The following MTDH variants were observed in gnomAD, a reference collection of about 807,000 sequenced individuals.
The protein encoded by MTDH is metadherin.
In MTDH, 34 loss-of-function variants were observed where a neutral mutation model predicts 72.7. The observed-to-expected ratio is 0.47, with a 90% confidence interval of 0.36 to 0.62. The LOEUF (loss-of-function observed/expected upper bound fraction) is 0.62. MTDH is among the 20% of genes least tolerant of loss of function. MTDH has a pLI of 0.00. For missense variants in MTDH, 677 were observed against 699.4 expected, an observed-to-expected ratio of 0.97 and a Z score of 0.36; for synonymous variants, 266 against 268.9, an observed-to-expected ratio of 0.99 and a Z score of 0.10.
At chr8:97,650,834 A>C (rs1811745400) in intron 1 of MTDH, among the ~76,000 whole-genome samples, 1 of 151,988 alleles carries the variant, frequency 6.6e-6, no homozygotes. Flanking sequence ...GGCTCAAGCG[A>C]TCCTCCCACC....
intron 1 of MTDH, among the ~76,000 whole-genome samples, chr8:97,656,727 C>T (rs555588272): frequency 2.0e-5 from 3 of 151,576 alleles, no homozygotes; most frequent in Non-Finnish European, 2.9e-5. Flanking sequence ...AGGCCAGGTG[C>T]GGTGGCTCAC....
rs1813891181 is a variant in MTDH, at chr8:97,697,152, T to TA, written c.1049-2602_1049-2601insA. The stretch of plus-strand genomic sequence containing the variant: ...AAAATATATATATATATATATATAT[T>TA]TTTTTTTTGTGGACCCAGTTTACTA... On this transcript the variant is annotated intron_variant, in intron 6 of 11. Transcript: ENST00000336273. 7.4e-5 allele frequency among the ~76,000 whole-genome samples: 8 copies of TA among 108,584 alleles called. 1 individual carries two copies. The South Asian group carries it at 2.3e-3, about 31-fold the overall frequency. 71.2% of individuals were successfully genotyped at this position (108,584 alleles called of 152,430 possible).
At chr8:97,648,994 A>G (rs1563517842) in intron 1 of MTDH, among the ~76,000 whole-genome samples, 2 of 152,258 alleles carry the variant, frequency 1.3e-5, no homozygotes, top group East Asian at 3.9e-4. Context: ...CTGCCTATAT[A>G]ATGACCCCAT....
chr8:97,686,247 T>G (rs535453488), intron 2 of MTDH, among the ~76,000 whole-genome samples: 26 of 152,354 alleles, frequency 1.7e-4, no homozygotes, highest in Admixed American at 1.2e-3. Flanking sequence ...ATTACAGTAC[T>G]GTATTTATGA....
At chr8:97,716,548 CG>C (rs1554582891) in intron 9 of MTDH, among the ~76,000 whole-genome samples, 1 of 151,814 alleles carries the variant, frequency 6.6e-6, no homozygotes, top group Non-Finnish European at 1.5e-5. Context: ...ATTAGCCGCA[CG>C]TGGTAGCTGG....
chr8:97,687,755 G>A, intron 4 of MTDH, 150 bp downstream of exon 4: 1 of 644,208 alleles, frequency 1.6e-6, no homozygotes, highest in Non-Finnish European at 2.4e-6. Context: ...TGTGAACCAT[G>A]TATCGGTTTA....
At chr8:97,668,343 T>A (rs1482108365) in intron 2 of MTDH, among the ~76,000 whole-genome samples, 3 of 151,988 alleles carry the variant, frequency 2.0e-5, no homozygotes, top group African/African-American at 7.3e-5. Context: ...CAAATAATTT[T>A]CCAGTGGACC....
chr8:97,707,393 G>A (rs943353388), intron 8 of MTDH, among the ~76,000 whole-genome samples: 3 of 149,188 alleles, frequency 2.0e-5, no homozygotes, highest in Admixed American at 6.7e-5. Flanking sequence ...CAGGTGATCC[G>A]CTCACCTCAG....
At chr8:97,701,436 A>G (rs1396224076) in intron 7 of MTDH, among the ~76,000 whole-genome samples, 1 of 152,214 alleles carries the variant, frequency 6.6e-6, no homozygotes, top group Non-Finnish European at 1.5e-5. Context: ...AAGTGTGTAC[A>G]TATTCAGTAC....
intron 8 of MTDH, 138 bp from the exon 9 acceptor site, chr8:97,713,524 A>G: frequency 1.9e-6 from 1 of 528,718 alleles, no homozygotes; most frequent in Non-Finnish European, 3.3e-6. Context: ...GATCCATTGT[A>G]TTACTTATTA....
chr8:97,719,029 T>A lies in MTDH; in HGVS notation c.1381-20T>A. ...AGAATGAATGCTTTATATAATCTAA[T>A]AGGTTATTTTTCTCTATAGGACACA... On this transcript the variant is annotated intron_variant, in intron 9 of 11. Transcript: ENST00000336273. The A allele has an allele frequency of 6.4e-7, 1 of 1,567,350 alleles. No individual in the cohort carries two copies. The highest frequency in any genetic ancestry group is 2.2e-5 in the East Asian group (1 of 44,606).
intron 10 of MTDH, 80 bp downstream of exon 10, chr8:97,719,269 CAGGTCATG>C (rs1227614913): frequency 1.4e-6 from 2 of 1,459,232 alleles, no homozygotes; most frequent in African/African-American, 1.4e-5. Flanking sequence ...CCAAGGTGGG[CAGGTCATG>C]AGGTCAGGAG....
Position 97,661,115 on chromosome 8 carries a change from G to A in MTDH, c.425G>A (p.Arg142Gln), listed in dbSNP as rs774102212. Reference protein sequence around the residue: ...TVEVAEGEAVRTPQSVTAKQP... With the variant: ...TVEVAEGEAVQTPQSVTAKQP... ...GAAGTGGCTGAGGGTGAAGCTGTTC[G>A]AACACCTCAAAGTGTAACAGCAAAG... The change falls in exon 2 of 12, where the codon CGA (arginine) becomes CAA (glutamine). Residue 142 changes from arginine to glutamine, a missense_variant. By Grantham distance (43) the Arg-to-Gln change is conservative. Transcript: ENST00000336273. The A allele has an allele frequency of 1.3e-5, 21 of 1,612,910 alleles. No individual in the cohort carries two copies. The East Asian group carries it at 1.3e-4, about 10-fold the overall frequency.
chr8:97,687,679 T>C (rs1016347288), intron 4 of MTDH, 74 bp downstream of exon 4: 1 of 1,274,140 alleles, frequency 7.8e-7, no homozygotes, highest in Non-Finnish European at 1.1e-6. Flanking sequence ...AATATCATTA[T>C]GTCAAAATCT....
intron 1 of MTDH, among the ~76,000 whole-genome samples, chr8:97,658,363 TC>T (rs1472636902): frequency 1.3e-5 from 2 of 152,232 alleles, no homozygotes; most frequent in Non-Finnish European, 2.9e-5. Context: ...AACTGAATGT[TC>T]CTGAATCTGT....
chr8:97,706,600 G>T, intron 7 of MTDH, 26 bp from the exon 8 acceptor site: 4 of 1,499,354 alleles, frequency 2.7e-6, no homozygotes, highest in Non-Finnish European at 3.6e-6. Context: ...AATGATAGAC[G>T]CCTAATTCAC....
chr8:97,676,248 T>A (rs1586230782), intron 2 of MTDH, among the ~76,000 whole-genome samples: 1 of 152,044 alleles, frequency 6.6e-6, no homozygotes, highest in Non-Finnish European at 1.5e-5. Flanking sequence ...CCACAGAAGG[T>A]GTTTTATTTT....
intron 1 of MTDH, among the ~76,000 whole-genome samples, chr8:97,648,618 C>G (rs892706835): frequency 1.3e-5 from 2 of 152,202 alleles, no homozygotes; most frequent in Non-Finnish European, 2.9e-5. Context: ...TTTGGCCTCC[C>G]AAAATGTTGG....
intron 1 of MTDH, among the ~76,000 whole-genome samples, chr8:97,646,246 T>A (rs957774921): frequency 6.6e-6 from 1 of 152,334 alleles, no homozygotes; most frequent in Non-Finnish European, 1.5e-5. Context: ...GAGGCCTGGA[T>A]AGGCCTTCAC....
Sources: gnomAD v4.1 joint callset for allele counts (sites outside exome capture counted in the v4.1 genomes callset) on GRCh38, gnomAD v4.1.1 for gene constraint, MANE v1.5 for transcripts, NCBI Gene and HGNC (gene_info 2026-07-23, HGNC 2026-07-21) for gene names.